The following GRM1 variants were observed in gnomAD, a reference collection of about 807,000 sequenced individuals.
GRM1 encodes the protein metabotropic glutamate receptor 1.
In GRM1, 33 loss-of-function variants were observed where a neutral mutation model predicts 90.9. The observed-to-expected ratio is 0.36, with a 90% CI of 0.28 to 0.49. The LOEUF (loss-of-function observed/expected upper bound fraction) is 0.49, where lower values mean the gene tolerates loss of function less well. Ranked by LOEUF, GRM1 falls within the 20% of genes least tolerant of loss-of-function variation. GRM1 has a pLI of 0.99. For synonymous variants in GRM1, 700 were observed against 613.2 expected (o/e 1.14, Z -2.09); for missense variants, 1,190 against 1,534.3 (o/e 0.78, Z 3.75).
chr6:146,325,565 A>T (rs1784373562), intron 3 of GRM1, among the ~76,000 whole-genome samples: 1 of 152,230 alleles, frequency 6.6e-6, no homozygotes, highest in African/African-American at 2.4e-5. Flanking sequence ...TCTCTTAGTG[A>T]CAGTTTTCCA....
chr6:146,159,056 A>G (rs1273450256), intron 1 of GRM1, among the ~76,000 whole-genome samples: 5 of 152,202 alleles, frequency 3.3e-5, no homozygotes, highest in African/African-American at 1.2e-4. Flanking sequence ...TGGGACAAGA[A>G]CTATTAATAA....
At chr6:146,102,592 A>G (rs1220473202) in intron 1 of GRM1, among the ~76,000 whole-genome samples, 2 of 152,222 alleles carry the variant, frequency 1.3e-5, no homozygotes, top group Non-Finnish European at 2.9e-5. Context: ...TTAGTGACCC[A>G]TCTCCTGGTG....
chr6:146,074,733 T>C (rs936906158), intron 1 of GRM1, among the ~76,000 whole-genome samples: 1 of 152,212 alleles, frequency 6.6e-6, no homozygotes, highest in Non-Finnish European at 1.5e-5. Flanking sequence ...ACTTGGACTT[T>C]TTGTAACAAC....
chr6:146,116,028 G>A (rs1775732959), intron 1 of GRM1, among the ~76,000 whole-genome samples: 2 of 152,138 alleles, frequency 1.3e-5, no homozygotes, highest in Non-Finnish European at 2.9e-5. Context: ...TTGGCTCAAT[G>A]CAACCTCTGC....
At chr6:146,090,487 C>T (rs79660861) in intron 1 of GRM1, among the ~76,000 whole-genome samples, 1,803 of 152,202 alleles carry the variant, frequency 0.012, 10 homozygotes, top group Non-Finnish European at 0.019. Context: ...GCTTGAGCTT[C>T]TCATAAGTGC....
intron 1 of GRM1, among the ~76,000 whole-genome samples, chr6:146,033,262 T>C (rs529444539): frequency 2.2e-4 from 33 of 152,264 alleles, no homozygotes; most frequent in African/African-American, 7.9e-4. Flanking sequence ...ACCTGGAATG[T>C]GAGTCTTTAA....
chr6:146,164,988 T>G (rs1777859532), intron 2 of GRM1, among the ~76,000 whole-genome samples: 1 of 150,436 alleles, frequency 6.6e-6, no homozygotes, highest in East Asian at 1.9e-4. Context: ...TGTGTGCTGT[T>G]TTATCTATTG....
At chr6:146,078,573 A>C (rs1776263493) in intron 1 of GRM1, among the ~76,000 whole-genome samples, 1 of 152,200 alleles carries the variant, frequency 6.6e-6, no homozygotes, top group African/African-American at 2.4e-5. Flanking sequence ...TAAAATGTGG[A>C]TATAGAGGTT....
intron 2 of GRM1, among the ~76,000 whole-genome samples, chr6:146,205,214 C>CA (rs749364395): frequency 2.6e-5 from 4 of 152,102 alleles, no homozygotes; most frequent in Non-Finnish European, 4.4e-5. Context: ...CAAAGGAGGT[C>CA]ATTGAGTTAT....
chr6:146,245,694 CT>C (rs1322034145), intron 2 of GRM1, among the ~76,000 whole-genome samples: 1 of 152,120 alleles, frequency 6.6e-6, no homozygotes, highest in Non-Finnish European at 1.5e-5. Context: ...AAGATTAATG[CT>C]CATATGACAA....
intron 2 of GRM1, among the ~76,000 whole-genome samples, chr6:146,160,614 T>C (rs568813454): frequency 8.5e-5 from 13 of 152,226 alleles, no homozygotes; most frequent in Admixed American, 8.5e-4. Context: ...CAACCACTGA[T>C]CTTCTGCTCT....
At chr6:146,366,398 A>G (rs1317182845) in intron 5 of GRM1, among the ~76,000 whole-genome samples, 1 of 152,154 alleles carries the variant, frequency 6.6e-6, no homozygotes, top group East Asian at 1.9e-4. Flanking sequence ...AATTATTGTT[A>G]ACTATAGTCC....
At chr6:146,280,920 C>T (rs1010930247) in intron 2 of GRM1, among the ~76,000 whole-genome samples, 34 of 152,074 alleles carry the variant, frequency 2.2e-4, no homozygotes, top group African/African-American at 7.2e-4. Context: ...TGAGCCACCA[C>T]ACCCAAGTAG....
At chr6:146,356,629 A>G (rs1785594442) in intron 4 of GRM1, among the ~76,000 whole-genome samples, 1 of 152,174 alleles carries the variant, frequency 6.6e-6, no homozygotes, top group African/African-American at 2.4e-5. Flanking sequence ...AGTTTTTTAC[A>G]TGTCTATCTT....
chr6:146,191,264 G>A lies in GRM1; in HGVS notation c.950+31667G>A, dbSNP rs148561985. On this transcript the variant is annotated intron_variant, in intron 2 of 7. Transcript: ENST00000282753. ...TGGGTGTCTTGATGGTCTGTGGACC[G>A]GGGTGATCCCTACTGGATTGTGGGT... 2.1e-3 allele frequency among the ~76,000 whole-genome samples: 315 copies of A among 152,248 alleles called. 1 individual carries two copies. Among genetic ancestry groups the A allele is most frequent in the African/African-American group, 7.3e-3 (302 of 41,544 alleles).
intron 1 of GRM1, among the ~76,000 whole-genome samples, chr6:146,054,771 A>G (rs1165661265): frequency 6.6e-6 from 1 of 152,134 alleles, no homozygotes; most frequent in Non-Finnish European, 1.5e-5. Flanking sequence ...TAGAAAGAAT[A>G]GGACAAAGAT....
At chr6:146,210,252 G>T (rs1779645015) in intron 2 of GRM1, among the ~76,000 whole-genome samples, 1 of 152,112 alleles carries the variant, frequency 6.6e-6, no homozygotes, top group Non-Finnish European at 1.5e-5. Context: ...AAAATTTTCA[G>T]CTCCTAAATC....
chr6:146,303,032 G>A (rs1783449224), intron 2 of GRM1, among the ~76,000 whole-genome samples: 1 of 152,050 alleles, frequency 6.6e-6, no homozygotes, highest in East Asian at 1.9e-4. Context: ...GTAGCTCAAA[G>A]TCCCTTTAGT....
intron 3 of GRM1, among the ~76,000 whole-genome samples, chr6:146,311,772 GA>G (rs965912213): frequency 1.3e-4 from 19 of 151,786 alleles, no homozygotes; most frequent in Admixed American, 3.3e-4. Flanking sequence ...TACAAATTGT[GA>G]AAAAAAATAC....
Sources: allele counts gnomAD v4.1 joint callset (sites outside exome capture counted in the v4.1 genomes callset), GRCh38; gene constraint gnomAD v4.1.1; transcripts MANE v1.5; gene names NCBI Gene and HGNC (gene_info 2026-07-23, HGNC 2026-07-21).